The following FAT4 variants were observed in gnomAD, a reference collection of about 807,000 sequenced individuals.
FAT4 encodes the protein FAT atypical cadherin 4.
In FAT4, 84 loss-of-function variants were observed where a neutral mutation model predicts 303.9. The ratio of observed to expected loss-of-function variants is 0.28; its 90% CI spans 0.23 to 0.33. The LOEUF is 0.33. FAT4 is among the 10% of genes least tolerant of loss of function. FAT4 has a pLI of 1.00. For synonymous variants in FAT4, 2,307 were observed against 2,298.8 expected (o/e 1.00, Z -0.10); for missense variants, 6,005 against 6,146.8 (o/e 0.98, Z 0.77).
intron 2 of FAT4, among the ~76,000 whole-genome samples, chr4:125,361,784 G>A (rs950502547): frequency 5.9e-5 from 9 of 152,168 alleles, no homozygotes; most frequent in Admixed American, 3.9e-4. Context: ...GTTCTGACCC[G>A]CTTGTCATTC....
chr4:125,339,413 G>A (rs1731693409), intron 2 of FAT4, among the ~76,000 whole-genome samples: 1 of 151,974 alleles, frequency 6.6e-6, no homozygotes, highest in Non-Finnish European at 1.5e-5. Context: ...AGCCAGGATG[G>A]TCTCGATCTT....
chr4:125,367,540 A>G (rs946943604), intron 2 of FAT4, among the ~76,000 whole-genome samples: 3 of 152,156 alleles, frequency 2.0e-5, no homozygotes, highest in Non-Finnish European at 2.9e-5. Flanking sequence ...TGTGGAATAT[A>G]TGAAAAATAC....
chr4:125,415,283 G>A lies in FAT4; in HGVS notation c.6320G>A (p.Arg2107Lys). ...FSIGTIDGEV[R>K]LTGELDREEV... is the part of the protein sequence containing the mutation. ...ATTGGGACCATTGATGGTGAAGTGA[G>A]GCTCACTGGAGAACTGGACAGAGAA... is the stretch of plus-strand genomic sequence containing the variant. Residue 2107 changes from arginine (R) to lysine (K), a missense_variant, in exon 6 of 18, where the codon AGG becomes AAG. Arg to Lys is a conservative substitution (Grantham distance 26). Transcript: ENST00000394329. 1 of 1,614,046 alleles carries A rather than the reference G, an allele frequency of 6.2e-7. No individual in the cohort carries two copies. Among genetic ancestry groups the A allele is most frequent in the Middle Eastern group, 1.7e-4 (1 of 6,060 alleles).
chr4:125,347,104 G>C (rs1376324300), intron 2 of FAT4, among the ~76,000 whole-genome samples: 1 of 151,726 alleles, frequency 6.6e-6, no homozygotes. Flanking sequence ...TGAGCGGTAG[G>C]CTCAGTGCTA....
At position 125,317,510 on chromosome 4, in the gene FAT4, G is replaced by A. The variant is rs747531733; in HGVS notation, c.1099G>A (p.Val367Ile). The A allele has an allele frequency of 3.1e-4, 501 of 1,613,742 alleles. No homozygotes were observed. The highest frequency in any genetic ancestry group is 3.6e-4 in the Non-Finnish European group (427 of 1,180,028). Residue 367 changes from valine to isoleucine, a missense_variant, in exon 2 of 18, where the codon GTA (valine) becomes ATA (isoleucine). Coordinates refer to ENST00000394329, the MANE Select transcript of FAT4 (RefSeq NM_001291303.3). The surrounding 1 kb of genome is among the most constrained non-coding windows in gnomAD (Gnocchi z 7.0). ...CCCGGCCACCTCGCGCTACGCCTCG[G>A]TAGATGAGAATGCTCAAGTGGGCAC... ...YFPATSRYAS[V>I]DENAQVGTVV...
chr4:125,454,351 G>A (rs550331358), intron 10 of FAT4, among the ~76,000 whole-genome samples: 3 of 152,184 alleles, frequency 2.0e-5, no homozygotes, highest in African/African-American at 7.2e-5. Context: ...ACTTTGAAAT[G>A]TAAATGAAGA....
At chr4:125,398,407 C>T (rs1734261045) in intron 2 of FAT4, among the ~76,000 whole-genome samples, 1 of 151,946 alleles carries the variant, frequency 6.6e-6, no homozygotes, top group Non-Finnish European at 1.5e-5. Context: ...AATTTTATAC[C>T]ACCTCCTCTG....
chr4:125,325,237 GA>G (rs1173704441), intron 2 of FAT4, among the ~76,000 whole-genome samples: 3 of 152,118 alleles, frequency 2.0e-5, no homozygotes, highest in African/African-American at 7.2e-5. Flanking sequence ...CATTCGTAAT[GA>G]TTTTTTTTTA....
chr4:125,399,070 A>G (rs1254130786), intron 3 of FAT4, among the ~76,000 whole-genome samples, 155 bp downstream of exon 3: 2 of 152,160 alleles, frequency 1.3e-5, no homozygotes, highest in Middle Eastern at 3.2e-3. Context: ...TAACATAAAA[A>G]TGTTAAAAAA....
intron 11 of FAT4, among the ~76,000 whole-genome samples, chr4:125,464,703 A>T (rs4996181): frequency 0.99 from 150,838 of 152,048 alleles, 74,833 homozygotes; most frequent in Middle Eastern, 1. Context: ...GTGTGTGAAG[A>T]TCCCCTTCCT....
chr4:125,463,958 G>A (rs1726569917), intron 11 of FAT4, among the ~76,000 whole-genome samples: 2 of 151,974 alleles, frequency 1.3e-5, no homozygotes, highest in Admixed American at 1.3e-4. Flanking sequence ...CAGCTGAGAA[G>A]TTATGAAATA....
At chr4:125,471,116 C>G (rs2126078469) in intron 12 of FAT4, among the ~76,000 whole-genome samples, 1 of 152,246 alleles carries the variant, frequency 6.6e-6, no homozygotes, top group South Asian at 2.1e-4. Flanking sequence ...CTGGAACAGC[C>G]AGAACATAAA....
Position 125,448,982 on chromosome 4 carries a change from G to T in FAT4, c.7972G>T (p.Asp2658Tyr), listed in dbSNP as rs776322673. Residue 2658 changes from aspartate to tyrosine, a missense_variant, in exon 10 of 18, where the codon GAT becomes TAT. By Grantham distance (160) the Asp-to-Tyr change is radical (BLOSUM62 -3). Transcript: ENST00000394329. ...FPPFSSYEKL[D>Y]ITVLDVNDNA... ...TCCTTTCTCCTCTTACGAGAAACTT[G>T]ATATAACAGTATTAGATGTCAATGA... 1 of 1,613,732 alleles carries T rather than the reference G, an allele frequency of 6.2e-7. No homozygotes were observed. Among genetic ancestry groups the T allele is most frequent in the Non-Finnish European group, 8.5e-7 (1 of 1,179,898 alleles).
chr4:125,369,139 A>G (rs903850127), intron 2 of FAT4, among the ~76,000 whole-genome samples: 1 of 152,200 alleles, frequency 6.6e-6, no homozygotes, highest in South Asian at 2.1e-4. Flanking sequence ...AATACCCATC[A>G]GATACTTGAT....
Position 125,490,440 on chromosome 4 carries a change from G to A in FAT4, c.13624G>A (p.Glu4542Lys). ...GAAGAAGGCCAAAAATCCCAAAGAG[G>A]AGAAGAAACCGAAGGAGAAGAAGAA... ...RGKKAKNPKE[E>K]KKPKEKKKKG... is the part of the protein sequence containing the mutation. The change falls in exon 18 of 18, where the codon GAG (glutamate) becomes AAG (lysine). Residue 4542 changes from glutamate (E) to lysine (K), a missense_variant. Transcript: ENST00000394329. 6.2e-7 allele frequency: 1 copy of A among 1,614,140 alleles called. No individual in the cohort carries two copies. The highest frequency in any genetic ancestry group is 8.5e-7 in the Non-Finnish European group (1 of 1,180,024).
chr4:125,346,631 C>T (rs1349668283), intron 2 of FAT4, among the ~76,000 whole-genome samples: 1 of 151,852 alleles, frequency 6.6e-6, no homozygotes, highest in African/African-American at 2.4e-5. Context: ...TGCATTGCGA[C>T]TTGAGTGAAC....
At chr4:125,477,123 A>G (rs947998973) in intron 13 of FAT4, 32 bp from the exon 14 acceptor site, 1 of 1,311,884 alleles carries the variant, frequency 7.6e-7, no homozygotes, top group African/African-American at 1.5e-5. Context: ...ATCTTTTGAC[A>G]CTAATATTTA....
intron 7 of FAT4, among the ~76,000 whole-genome samples, chr4:125,432,521 C>T (rs955480328): frequency 3.9e-5 from 6 of 152,084 alleles, no homozygotes; most frequent in African/African-American, 7.2e-5. Flanking sequence ...TGTTTCTTAT[C>T]GTATCCTACA....
At chr4:125,427,878 C>G (rs1578631613) in intron 7 of FAT4, among the ~76,000 whole-genome samples, 1 of 152,234 alleles carries the variant, frequency 6.6e-6, no homozygotes, top group South Asian at 2.1e-4. Flanking sequence ...TTTATAGTTG[C>G]TATTATAAAA....
Sources: allele counts gnomAD v4.1 joint callset (sites outside exome capture counted in the v4.1 genomes callset), GRCh38; gene constraint gnomAD v4.1.1; non-coding constraint Gnocchi (gnomAD v3.1); transcripts MANE v1.5; gene names NCBI Gene and HGNC (gene_info 2026-07-23, HGNC 2026-07-21).